SPAG1: variants seen among roughly 807,000 people sequenced by gnomAD.
The protein encoded by SPAG1 is sperm-associated antigen 1.
SPAG1 carries 69 observed loss-of-function variants against 100.5 expected under a neutral mutation model. The ratio of observed to expected loss-of-function variants is 0.69; its 90% CI spans 0.57 to 0.84. SPAG1 has a LOEUF of 0.84. Ranked by LOEUF, SPAG1 falls within the 40% of genes least tolerant of loss-of-function variation. SPAG1 has a pLI of 0.00. For synonymous variants in SPAG1, 336 were observed against 411.6 expected, an observed-to-expected ratio of 0.82 and a Z score of 2.22; for missense variants, 955 against 1,133.1, an observed-to-expected ratio of 0.84 and a Z score of 2.26.
chr8:100,218,941 C>T (rs1218202300), intron 12 of SPAG1, among the ~76,000 whole-genome samples: 1 of 152,190 alleles, frequency 6.6e-6, no homozygotes, highest in Non-Finnish European at 1.5e-5. Flanking sequence ...GAGTGCCTCT[C>T]ATGACCCAGG....
At chr8:100,201,006 GATTT>G (rs1250458620) in intron 10 of SPAG1, among the ~76,000 whole-genome samples, 1 of 151,460 alleles carries the variant, frequency 6.6e-6, no homozygotes, top group Non-Finnish European at 1.5e-5. Flanking sequence ...ATTTTTTTCA[GATTT>G]TTTTTCTTTT....
intron 14 of SPAG1, among the ~76,000 whole-genome samples, chr8:100,225,644 T>G (rs1818475944): frequency 6.6e-6 from 1 of 151,602 alleles, no homozygotes; most frequent in Non-Finnish European, 1.5e-5. Flanking sequence ...GGTTTTTTTT[T>G]GTTTGTCTTT....
intron 10 of SPAG1, 77 bp from the exon 11 acceptor site, chr8:100,213,013 C>CTCGCGGCCT (rs1554658871): frequency 3.8e-6 from 4 of 1,056,070 alleles, no homozygotes; most frequent in African/African-American, 3.5e-5. Context: ...GTCCTGCACC[C>CTCGCGGCCT]CCGCGGCCTC....
chr8:100,169,288 G>A (rs961383632), intron 3 of SPAG1, among the ~76,000 whole-genome samples: 1 of 152,148 alleles, frequency 6.6e-6, no homozygotes, highest in African/African-American at 2.4e-5. Flanking sequence ...GTGTGGTGGC[G>A]CATGCCTACA....
intron 13 of SPAG1, among the ~76,000 whole-genome samples, chr8:100,223,856 A>G (rs916833120): frequency 6.6e-6 from 1 of 152,084 alleles, no homozygotes; most frequent in Non-Finnish European, 1.5e-5. Flanking sequence ...ACATTAAAGC[A>G]TAAGATTCAA....
chr8:100,199,911 T>A (rs1817197223), intron 10 of SPAG1, among the ~76,000 whole-genome samples: 1 of 151,992 alleles, frequency 6.6e-6, no homozygotes, highest in Non-Finnish European at 1.5e-5. Context: ...GATGCAGAAG[T>A]TTTTTGTTTT....
intron 9 of SPAG1, 150 bp from the exon 10 acceptor site, chr8:100,193,962 G>A (rs1159194347): frequency 5.4e-6 from 3 of 551,984 alleles, no homozygotes; most frequent in Non-Finnish European, 8.7e-6. Flanking sequence ...TTTTACAGTG[G>A]ACATCTATGA....
Position 100,213,210 on chromosome 8 carries a change from G to C in SPAG1, c.1217G>C (p.Arg406Pro), listed in dbSNP as rs760579088. 6.9e-7 allele frequency: 1 copy of C among 1,439,254 alleles called. No homozygotes were observed. Among genetic ancestry groups the C allele is most frequent in the South Asian group, 1.3e-5 (1 of 75,500 alleles). The allele number at this position is 1,439,254 out of a possible 1,614,324, so 89.2% of individuals were successfully genotyped here. Residue 406 changes from arginine (R) to proline (P), a missense_variant, in exon 11 of 19, where the codon CGG becomes CCG. By Grantham distance (103) the Arg-to-Pro change is moderately radical. Transcript: ENST00000388798. ...CGGCCGGCAAGGGGCGCGCCGCAGC[G>C]GGGCCAGACCCCGGAGGCCGGCGCG... ...GKRPARGAPQ[R>P]GQTPEAGADK...
intron 17 of SPAG1, 32 bp from the exon 18 acceptor site, chr8:100,240,369 AGT>A: frequency 6.5e-7 from 1 of 1,547,204 alleles, no homozygotes; most frequent in Non-Finnish European, 8.7e-7. Flanking sequence ...ATTGTGGTTC[AGT>A]GTCACAATGC....
At chr8:100,235,900 A>G (rs1818984844) in intron 16 of SPAG1, among the ~76,000 whole-genome samples, 1 of 152,048 alleles carries the variant, frequency 6.6e-6, no homozygotes, top group Non-Finnish European at 1.5e-5. Flanking sequence ...TAGATGGTGT[A>G]TGGCACCACA....
intron 10 of SPAG1, among the ~76,000 whole-genome samples, chr8:100,210,451 C>T (rs1817673823): frequency 6.6e-6 from 1 of 152,164 alleles, no homozygotes; most frequent in Non-Finnish European, 1.5e-5. Flanking sequence ...ACTCACACTA[C>T]CCTACTTGAG....
chr8:100,162,245 AT>A (rs745779995), intron 1 of SPAG1, 33 bp from the exon 2 acceptor site: 1 of 1,473,976 alleles, frequency 6.8e-7, no homozygotes, highest in Admixed American at 2.0e-5. Flanking sequence ...TTATTTATAC[AT>A]TAGATTAATA....
chr8:100,206,128 T>C (rs1330699882), intron 10 of SPAG1, among the ~76,000 whole-genome samples: 2 of 150,500 alleles, frequency 1.3e-5, no homozygotes, highest in Non-Finnish European at 2.9e-5. Context: ...AGAAGACCGA[T>C]GGATCTTGGA....
At chr8:100,235,421 T>C (rs554417122) in intron 16 of SPAG1, among the ~76,000 whole-genome samples, 2 of 152,232 alleles carry the variant, frequency 1.3e-5, no homozygotes, top group South Asian at 4.2e-4. Flanking sequence ...TATGGTAAAG[T>C]TGACATAGCA....
intron 1 of SPAG1, among the ~76,000 whole-genome samples, chr8:100,161,671 C>T (rs920181665): frequency 6.6e-6 from 1 of 152,152 alleles, no homozygotes; most frequent in Non-Finnish European, 1.5e-5. Flanking sequence ...TGAAGGAACT[C>T]CCCAAACCTC....
At chr8:100,162,986 A>G (rs1815385370) in intron 2 of SPAG1, among the ~76,000 whole-genome samples, 1 of 152,086 alleles carries the variant, frequency 6.6e-6, no homozygotes, top group East Asian at 1.9e-4. Context: ...AAAAAAAATA[A>G]AAAAAGCTAT....
intron 3 of SPAG1, among the ~76,000 whole-genome samples, chr8:100,168,770 C>T (rs1176446946): frequency 6.7e-6 from 1 of 148,246 alleles, no homozygotes; most frequent in East Asian, 2.0e-4. Flanking sequence ...TCATTGCAAC[C>T]TCCAACTCCC....
intron 14 of SPAG1, among the ~76,000 whole-genome samples, chr8:100,230,051 A>G (rs1818695915): frequency 6.6e-6 from 1 of 152,232 alleles, no homozygotes; most frequent in Admixed American, 6.5e-5. Context: ...AAAACATTTT[A>G]TCAGCTCTTA....
rs199515118 is a variant in SPAG1 at position 100,191,459 on chromosome 8, A to G, written c.902A>G (p.Lys301Arg). ...CGGGAAGCTACAGAAGATTTGAGTA[A>G]AGTACTAGATGTTGAGCCTGATAAT... is the stretch of plus-strand genomic sequence containing the variant. ...KLREATEDLS[K>R]VLDVEPDNDL... Residue 301 changes from lysine to arginine, a missense_variant, in exon 9 of 19, where the codon AAA (lysine) becomes AGA (arginine). Lys to Arg is a conservative substitution (Grantham distance 26). Coordinates refer to ENST00000388798, the MANE Select transcript of SPAG1 (RefSeq NM_003114.5). 2.5e-5 allele frequency: 40 copies of G among 1,613,786 alleles called. No homozygotes were observed. In the African/African-American group the frequency reaches 4.8e-4, roughly 19 times the overall value.
Sources: allele counts gnomAD v4.1 joint callset (sites outside exome capture counted in the v4.1 genomes callset), GRCh38; gene constraint gnomAD v4.1.1; transcripts MANE v1.5; gene names NCBI Gene and HGNC (gene_info 2026-07-23, HGNC 2026-07-21).